The following CEP41 variants were observed in gnomAD, a reference collection of about 807,000 sequenced individuals.
The protein encoded by CEP41 is centrosomal protein of 41 kDa.
In CEP41, 32 loss-of-function variants were observed where a neutral mutation model predicts 44.3. The ratio of observed to expected loss-of-function variants is 0.72; its 90% CI spans 0.54 to 0.97. CEP41 has a LOEUF of 0.97. Ranked by LOEUF, CEP41 falls within the 50% of genes least tolerant of loss-of-function variation. CEP41 has a pLI of 0.00. For missense variants in CEP41, 432 were observed against 455.2 expected (o/e 0.95, Z 0.46); for synonymous variants, 151 against 168.5 (o/e 0.90, Z 0.80).
At chr7:130,418,682 C>T (rs555877320) in intron 2 of CEP41, among the ~76,000 whole-genome samples, 20 of 152,128 alleles carry the variant, frequency 1.3e-4, no homozygotes, top group African/African-American at 1.9e-4. Flanking sequence ...AGCCAGGATT[C>T]GCATTTCCAA....
In CEP41 at chr7:130,396,271, C is replaced by T; in HGVS notation, c.*2620G>A. 1 of 454,084 alleles carries T rather than the reference C, an allele frequency of 2.2e-6. No individual in the cohort carries two copies. The highest frequency in any genetic ancestry group is 4.4e-6 in the Non-Finnish European group (1 of 226,770). 28.1% of individuals were successfully genotyped at this position (454,084 alleles called of 1,614,324 possible). A position where few individuals can be genotyped will look rare whatever the true frequency, so the allele number is the denominator to read the frequency against. On this transcript the variant is annotated 3_prime_UTR_variant, in exon 11 of 11. Transcript: ENST00000223208. The stretch of plus-strand genomic sequence containing the variant: ...GGGCAGCTAGTCAACCCCTGAGACG[C>T]TGGTAGGAAGCCATGATCCAGTTGT...
intron 5 of CEP41, among the ~76,000 whole-genome samples, chr7:130,406,930 G>A (rs1461396594): frequency 6.6e-6 from 1 of 151,068 alleles, no homozygotes; most frequent in African/African-American, 2.4e-5. Flanking sequence ...TAACAAACGT[G>A]CACATTGTGC....
At chr7:130,431,263 T>C (rs143532427) in intron 1 of CEP41, among the ~76,000 whole-genome samples, 11 of 152,130 alleles carry the variant, frequency 7.2e-5, no homozygotes, top group Non-Finnish European at 1.5e-4. Flanking sequence ...TTCAATTACA[T>C]AAACAGGATG....
chr7:130,428,682 G>C (rs1403032715), intron 1 of CEP41, among the ~76,000 whole-genome samples: 1 of 151,350 alleles, frequency 6.6e-6, no homozygotes, highest in Non-Finnish European at 1.5e-5. Context: ...GGGAGGCCGA[G>C]GCAGGTGGAT....
intron 8 of CEP41, chr7:130,401,353 A>G (rs1554416873): frequency 5.9e-6 from 1 of 168,902 alleles, no homozygotes; most frequent in East Asian, 1.7e-4. Flanking sequence ...GCAGGATACT[A>G]AATTACATAT....
At chr7:130,423,491 A>G (rs1562991437) in intron 2 of CEP41, among the ~76,000 whole-genome samples, 1 of 152,212 alleles carries the variant, frequency 6.6e-6, no homozygotes, top group Non-Finnish European at 1.5e-5. Context: ...TGATGTGGAG[A>G]AAATAGAGCC....
rs1554417299 is a variant in CEP41, at chr7:130,402,749, T to A, written c.473A>T (p.Lys158Ile). 1 of 1,614,160 alleles carries A rather than the reference T, an allele frequency of 6.2e-7. No homozygotes were observed. Among genetic ancestry groups the A allele is most frequent in the Admixed American group, 1.7e-5 (1 of 60,026 alleles). ...ELDLDKGPVK[K>I]AEPHTKDKPY... ...TTTGTCTTTGGTATGGGGCTCTGCT[T>A]TCTTCACTGGCCCTTTGTCTAGATC... The change falls in exon 7 of 11, where the codon AAA becomes ATA. Residue 158 changes from lysine to isoleucine, a missense_variant. Physicochemically the swap from Lys to Ile is moderately radical, Grantham distance 102. Transcript: ENST00000223208.
intron 5 of CEP41, chr7:130,410,802 GT>G (rs1410113575): frequency 1.8e-5 from 7 of 393,614 alleles, no homozygotes; most frequent in South Asian, 1.7e-4. Flanking sequence ...GCTGTGTTTT[GT>G]TCACCTCTGC....
intron 2 of CEP41, among the ~76,000 whole-genome samples, chr7:130,423,088 A>G (rs1797557648): frequency 6.6e-6 from 1 of 152,138 alleles, no homozygotes; most frequent in South Asian, 2.1e-4. Flanking sequence ...CTGGGACTAC[A>G]GGTGCACGCT....
intron 1 of CEP41, among the ~76,000 whole-genome samples, chr7:130,434,155 G>A (rs782172486): frequency 1.3e-5 from 2 of 152,128 alleles, no homozygotes; most frequent in Non-Finnish European, 2.9e-5. Flanking sequence ...TCTATTTGCC[G>A]GAGATGATTT....
intron 9 of CEP41, 79 bp downstream of exon 9, chr7:130,400,628 C>G: frequency 1.1e-6 from 1 of 898,848 alleles, no homozygotes; most frequent in Admixed American, 2.0e-5. Context: ...TTCTGAGCAC[C>G]AAGAGAGAAA....
At chr7:130,429,654 T>C (rs577173895) in intron 1 of CEP41, among the ~76,000 whole-genome samples, 118 of 152,342 alleles carry the variant, frequency 7.7e-4, no homozygotes, top group African/African-American at 2.7e-3. Context: ...CTCATTCAGG[T>C]TGCCAGTCTT....
In CEP41 at chr7:130,409,236, G is replaced by A. The variant is rs184282559; in HGVS notation, c.277+1886C>T. Among the ~76,000 whole-genome samples, 9 of 151,938 alleles carry A rather than the reference G, an allele frequency of 5.9e-5. No individual in the cohort carries two copies. In the East Asian group the frequency reaches 1.7e-3, roughly 29 times the overall value. On this transcript the variant is annotated intron_variant, in intron 5 of 10. Coordinates refer to ENST00000223208, the MANE Select transcript of CEP41 (RefSeq NM_018718.3). The stretch of plus-strand genomic sequence containing the variant: ...CTGAGTGAGTTATTATCTGTGTAGA[G>A]CACTAGAAAAACACTAATATTACTC...
At position 130,398,515 on chromosome 7, in the gene CEP41, T is replaced by C. The variant is rs1554415860; in HGVS notation, c.*376A>G. On this transcript the variant is annotated 3_prime_UTR_variant, in exon 11 of 11. Coordinates refer to ENST00000223208, the MANE Select transcript of CEP41 (RefSeq NM_018718.3). ...TGGCAGGGACAGGCACACGGGCAGA[T>C]GTGACTGAAGTATTTACAAAACAAC... 2.2e-6 allele frequency: 1 copy of C among 458,820 alleles called. No homozygotes were observed. The highest frequency in any genetic ancestry group is 4.3e-6 in the Non-Finnish European group (1 of 230,018). 28.4% of individuals were successfully genotyped at this position (458,820 alleles called of 1,614,324 possible).
At chr7:130,426,715 T>C (rs1797675636) in intron 2 of CEP41, 2 of 453,366 alleles carry the variant, frequency 4.4e-6, no homozygotes, top group African/African-American at 2.0e-5. Flanking sequence ...AGGGTTTTTG[T>C]GGCAGAAGAA....
In CEP41 at chr7:130,394,491, G is replaced by C. The variant is rs781794703; in HGVS notation, c.*4400C>G. 1.1e-5 allele frequency: 5 copies of C among 453,984 alleles called. No individual in the cohort carries two copies. Among genetic ancestry groups the C allele is most frequent in the Non-Finnish European group, 2.2e-5 (5 of 226,784 alleles). 28.1% of individuals were successfully genotyped at this position (453,984 alleles called of 1,614,324 possible). On this transcript the variant is annotated 3_prime_UTR_variant, in exon 11 of 11. Transcript: ENST00000223208. ...AAAACCTACTCTTAAGATGGGGGTGGTGTGTGACCTTTGCGTGCTGAATTT... is the reference window on the plus strand; with the variant it reads ...AAAACCTACTCTTAAGATGGGGGTGCTGTGTGACCTTTGCGTGCTGAATTT...
intron 1 of CEP41, among the ~76,000 whole-genome samples, chr7:130,432,655 C>T (rs1446216364): frequency 1.3e-5 from 2 of 150,370 alleles, no homozygotes; most frequent in Admixed American, 6.6e-5. Flanking sequence ...CCCAGCTGCT[C>T]GAGAGGCTGG....
intron 2 of CEP41, chr7:130,421,021 G>A (rs1390055366): frequency 1.0e-6 from 1 of 977,652 alleles, no homozygotes; most frequent in Non-Finnish European, 1.2e-6. Context: ...AAATGTATAA[G>A]GTAGCATTTA....
rs1294994801 is a variant in CEP41, at chr7:130,411,006, ACAAATAGATACATCAAAGTCC to A, written c.277+95_277+115del. 6 of 882,868 alleles carry A rather than the reference ACAAATAGATACATCAAAGTCC, an allele frequency of 6.8e-6. No individual in the cohort carries two copies. The East Asian group carries it at 1.4e-4, about 21-fold the overall frequency. The allele number at this position is 882,868 out of a possible 1,614,324, so 54.7% of individuals were successfully genotyped here. On this transcript the variant is annotated intron_variant, in intron 5 of 10. Transcript: ENST00000223208. ...TTTCCCTGAGAGTAACAATCTAATTACAAATAGATACATCAAAGTCCCAGTCCCTGGGAACAGACAGCAAAT... is the reference window on the plus strand; with the variant it reads ...TTTCCCTGAGAGTAACAATCTAATTACAGTCCCTGGGAACAGACAGCAAAT...
Sources: allele counts gnomAD v4.1 joint callset (sites outside exome capture counted in the v4.1 genomes callset), GRCh38; gene constraint gnomAD v4.1.1; transcripts MANE v1.5; gene names NCBI Gene and HGNC (gene_info 2026-07-23, HGNC 2026-07-21).